STMN1: variants seen among roughly 807,000 people sequenced by gnomAD.
STMN1 encodes stathmin.
Under a neutral mutation model 19.7 loss-of-function variants are expected in STMN1, and 3 were observed. The ratio of observed to expected loss-of-function variants is 0.15; its 90% CI spans 0.07 to 0.39. The LOEUF (loss-of-function observed/expected upper bound fraction) is 0.39, where lower values mean the gene tolerates loss of function less well. STMN1 is among the 10% of genes least tolerant of loss of function. The probability of loss-of-function intolerance (pLI) is 1.00; values close to 1 mark genes in which losing one functional copy is unlikely to be tolerated. For synonymous variants in STMN1, 59 were observed against 58.9 expected, an observed-to-expected ratio of 1.00 and a Z score of -0.01; for missense variants, 99 against 176.0, an observed-to-expected ratio of 0.56 and a Z score of 2.48.
At chr1:25,889,962 G>A (rs1040956113) in intron 4 of STMN1, among the ~76,000 whole-genome samples, 9 of 152,160 alleles carry the variant, frequency 5.9e-5, no homozygotes, top group African/African-American at 2.2e-4. Flanking sequence ...GTCATTGTCT[G>A]TTATATCACC....
rs1306787262 is a variant in STMN1 at position 25,900,935 on chromosome 1, GA to G, written c.*80del. 1 of 1,604,280 alleles carries G rather than the reference GA, an allele frequency of 6.2e-7. No individual in the cohort carries two copies. Among genetic ancestry groups the G allele is most frequent in the Non-Finnish European group, 8.5e-7 (1 of 1,176,124 alleles). On this transcript the variant is annotated 3_prime_UTR_variant, in exon 5 of 5. Coordinates refer to ENST00000455785, the MANE Select transcript of STMN1 (RefSeq NM_005563.4). ...AGCTTCTAAAATATTTGTCAGGAGG[GA>G]AAAAATAAAATGACACTGGCCAGTA...
intron 4 of STMN1, chr1:25,892,579 G>GC (rs2124231961): frequency 1.0e-6 from 1 of 984,990 alleles, no homozygotes; most frequent in East Asian, 1.1e-4. Flanking sequence ...GCCGCTGAGG[G>GC]TCCCCTCCCA....
intron 4 of STMN1, 199 bp downstream of exon 4, chr1:25,901,292 C>T (rs1457796668): frequency 8.7e-7 from 1 of 1,150,064 alleles, no homozygotes; most frequent in Non-Finnish European, 1.2e-6. Context: ...AAGCTGCCTA[C>T]TGGACTTCCA....
At chr1:25,888,489 T>A (rs1292864012) in intron 4 of STMN1, among the ~76,000 whole-genome samples, 2 of 152,198 alleles carry the variant, frequency 1.3e-5, no homozygotes, top group African/African-American at 2.4e-5. Flanking sequence ...ATTTCTTGAA[T>A]GAATAAACGA....
At chr1:25,893,435 A>G (rs2048793692) in intron 4 of STMN1, among the ~76,000 whole-genome samples, 1 of 152,212 alleles carries the variant, frequency 6.6e-6, no homozygotes, top group Non-Finnish European at 1.5e-5. Context: ...TCTGGACACC[A>G]GGCTGGTCAA....
At chr1:25,897,488 G>A (rs185570592), downstream of STMN1, among the ~76,000 whole-genome samples, 123 of 152,218 alleles carry the variant, frequency 8.1e-4, no homozygotes, top group African/African-American at 2.8e-3. Flanking sequence ...TTCTCCACTG[G>A]GAGAATGATA....
downstream of STMN1, among the ~76,000 whole-genome samples, chr1:25,898,880 C>T (rs555038595): frequency 1.6e-4 from 24 of 152,296 alleles, 1 homozygote; most frequent in East Asian, 4.3e-3. Flanking sequence ...TGCCACCGCT[C>T]CTCCTCTTCA....
rs866627613 is a variant in STMN1 at position 25,906,070 on chromosome 1, G to T, written c.-63+319C>A. ...TGGGGAACCCGGCGGGGCCCGCAGG[G>T]AAGGGAGGGAGGGAGGGAGGTAAAC... On this transcript the variant is annotated intron_variant, in intron 1 of 4. Coordinates refer to ENST00000455785, the MANE Select transcript of STMN1 (RefSeq NM_005563.4). The surrounding 1 kb of genome is among the most constrained non-coding windows in gnomAD (Gnocchi z 4.5). 1.4e-5 allele frequency: 2 copies of T among 144,862 alleles called. No individual in the cohort carries two copies. Among genetic ancestry groups the T allele is most frequent in the African/African-American group, 5.0e-5 (2 of 40,282 alleles). The allele number at this position is 144,862 out of a possible 1,614,324, so 9.0% of individuals were successfully genotyped here.
chr1:25,897,365 A>G (rs1287992050), downstream of STMN1, among the ~76,000 whole-genome samples: 1 of 152,146 alleles, frequency 6.6e-6, no homozygotes, highest in African/African-American at 2.4e-5. Context: ...TGTATTCCTA[A>G]ATGAACCACA....
intron 3 of STMN1, 129 bp downstream of exon 3, chr1:25,903,512 C>T: frequency 1.6e-6 from 2 of 1,253,640 alleles, no homozygotes; most frequent in Non-Finnish European, 2.2e-6. Context: ...CTGGTATTTC[C>T]TTCCAGTCAC....
At chr1:25,902,929 A>G (rs952283670) in intron 3 of STMN1, 2 of 152,186 alleles carry the variant, frequency 1.3e-5, no homozygotes, top group East Asian at 3.8e-4. Flanking sequence ...AGGGTTGTTG[A>G]GAAAGGGAGT....
chr1:25,887,486 G>T, intron 4 of STMN1: 1 of 357,036 alleles, frequency 2.8e-6, no homozygotes, highest in Non-Finnish European at 5.5e-6. Flanking sequence ...TGAACATGCA[G>T]CTTGCAAATA....
Position 25,900,606 on chromosome 1 carries a change from T to C in STMN1, c.*410A>G. The C allele has an allele frequency of 2.0e-6, 2 of 990,524 alleles. No homozygotes were observed. The highest frequency in any genetic ancestry group is 2.4e-6 in the Non-Finnish European group (2 of 833,230). 61.4% of individuals were successfully genotyped at this position (990,524 alleles called of 1,614,324 possible). A position where few individuals can be genotyped will look rare whatever the true frequency, so the allele number is the denominator to read the frequency against. On this transcript the variant is annotated 3_prime_UTR_variant, in exon 5 of 5. Coordinates refer to ENST00000455785, the MANE Select transcript of STMN1 (RefSeq NM_005563.4). ...AGTTTTATTAACCATTCAAGTCCAG[T>C]AGCATCTGGTAAGATTGGGACAGAA...
intron 4 of STMN1, 23 bp from the exon 5 acceptor site, chr1:25,901,110 CATCA>C (rs1475581212): frequency 2.2e-6 from 2 of 902,814 alleles, no homozygotes; most frequent in Admixed American, 2.8e-5. Flanking sequence ...GGTAAGGTGT[CATCA>C]GTCAAAAAAA....
chr1:25,885,522 C>T (rs2048713865), exon 5 of STMN1: 1 of 616,808 alleles, frequency 1.6e-6, no homozygotes, highest in African/African-American at 1.9e-5. Context: ...ACAAGGCAGG[C>T]ATTTTCATTC....
At chr1:25,886,379 G>A (rs2048721096) in intron 4 of STMN1, among the ~76,000 whole-genome samples, 1 of 152,032 alleles carries the variant, frequency 6.6e-6, no homozygotes. Context: ...CCCCTCTCTG[G>A]GCTTCATTTG....
chr1:25,901,748 G>A (rs768522950), intron 3 of STMN1, 66 bp from the exon 4 acceptor site: 16 of 1,489,428 alleles, frequency 1.1e-5, no homozygotes, highest in Middle Eastern at 1.8e-4. Flanking sequence ...GGTGGCTCAC[G>A]CCTGTAATCC....
chr1:25,890,350 C>A (rs1270341899), intron 4 of STMN1, among the ~76,000 whole-genome samples: 1 of 152,144 alleles, frequency 6.6e-6, no homozygotes, highest in Non-Finnish European at 1.5e-5. Context: ...AAGGAGCAGG[C>A]CTTCTGAAAG....
intron 3 of STMN1, chr1:25,902,684 G>A (rs1387834103): frequency 2.0e-5 from 3 of 152,234 alleles, no homozygotes; most frequent in Non-Finnish European, 2.9e-5. Flanking sequence ...ACAGGCTAAT[G>A]ACTACAGGGC....
Sources: gnomAD v4.1 joint callset for allele counts (sites outside exome capture counted in the v4.1 genomes callset) on GRCh38, gnomAD v4.1.1 for gene constraint, Gnocchi (gnomAD v3.1) non-coding constraint, MANE v1.5 for transcripts, NCBI Gene and HGNC (gene_info 2026-07-23, HGNC 2026-07-21) for gene names.